The following HS6ST3 variants were observed in gnomAD, a reference collection of about 807,000 sequenced individuals.
The protein encoded by HS6ST3 is heparan-sulfate 6-O-sulfotransferase 3.
A neutral mutation model predicts 36.7 loss-of-function variants in HS6ST3; 12 were observed. The observed-to-expected ratio is 0.33, with a 90% CI of 0.21 to 0.53. The LOEUF is 0.53. HS6ST3 is among the 20% of genes least tolerant of loss of function. HS6ST3 has a pLI of 0.95. For missense variants in HS6ST3, 584 were observed against 640.9 expected (o/e 0.91, Z 0.96); for synonymous variants, 240 against 257.5 (o/e 0.93, Z 0.65).
At chr13:96,524,353 A>G (rs1594799697) in intron 1 of HS6ST3, among the ~76,000 whole-genome samples, 1 of 152,194 alleles carries the variant, frequency 6.6e-6, no homozygotes, top group Admixed American at 6.5e-5. Flanking sequence ...CCGTTGTCAG[A>G]GCTCGAACGC....
chr13:96,462,866 TATAA>T (rs1240503024), intron 1 of HS6ST3, among the ~76,000 whole-genome samples: 1 of 152,222 alleles, frequency 6.6e-6, no homozygotes, highest in Non-Finnish European at 1.5e-5. Context: ...GGTGTAGCAA[TATAA>T]ATAAAGTAAC....
In HS6ST3 at chr13:96,531,127, A is replaced by G. The variant is rs1594800921; in HGVS notation, c.708-301363A>G. 4.0e-5 allele frequency among the ~76,000 whole-genome samples: 6 copies of G among 151,592 alleles called. No homozygotes were observed. The South Asian group carries it at 1.3e-3, about 32-fold the overall frequency. ...CTTTCCACTTTCTCTCTCTCTACAC[A>G]CTCTCCTTTCTGCCCTCATCATTGT... On this transcript the variant is annotated intron_variant, in intron 1 of 1. Transcript: ENST00000376705.
At chr13:96,336,264 T>A (rs1363025258) in intron 1 of HS6ST3, among the ~76,000 whole-genome samples, 2 of 152,222 alleles carry the variant, frequency 1.3e-5, no homozygotes, top group Non-Finnish European at 2.9e-5. Context: ...CAGAGACAAC[T>A]ACTTTGAGCT....
intron 1 of HS6ST3, among the ~76,000 whole-genome samples, chr13:96,709,475 T>A (rs576455496): frequency 3.3e-5 from 5 of 152,288 alleles, no homozygotes; most frequent in Admixed American, 3.3e-4. Context: ...CCCAGAACTC[T>A]TATGTTTAAC....
chr13:96,509,685 T>G (rs2056041052), intron 1 of HS6ST3, among the ~76,000 whole-genome samples: 2 of 152,220 alleles, frequency 1.3e-5, no homozygotes, highest in African/African-American at 2.4e-5. Flanking sequence ...GGTTCTCTAT[T>G]CTGTTTCATT....
intron 1 of HS6ST3, among the ~76,000 whole-genome samples, chr13:96,358,734 T>C (rs78116050): frequency 0.022 from 3,369 of 152,232 alleles, 124 homozygotes; most frequent in African/African-American, 0.078. Context: ...ATATATTGAA[T>C]TTCTTAGTTG....
chr13:96,653,658 G>A (rs2056615077), intron 1 of HS6ST3, among the ~76,000 whole-genome samples: 1 of 152,092 alleles, frequency 6.6e-6, no homozygotes, highest in South Asian at 2.1e-4. Flanking sequence ...AAACAGTGCT[G>A]CAATAAACAT....
chr13:96,493,355 A>T (rs1004001870), intron 1 of HS6ST3, among the ~76,000 whole-genome samples: 3 of 152,284 alleles, frequency 2.0e-5, no homozygotes, highest in African/African-American at 7.2e-5. Context: ...GCATTTTTTT[A>T]AAAAATCACA....
intron 1 of HS6ST3, among the ~76,000 whole-genome samples, chr13:96,194,647 A>G (rs2054303670): frequency 6.6e-6 from 1 of 152,132 alleles, no homozygotes; most frequent in Non-Finnish European, 1.5e-5. Flanking sequence ...AATTTCAAGT[A>G]TACATTACTA....
At chr13:96,261,990 C>T (rs1299987484) in intron 1 of HS6ST3, among the ~76,000 whole-genome samples, 2 of 152,026 alleles carry the variant, frequency 1.3e-5, no homozygotes, top group African/African-American at 4.8e-5. Flanking sequence ...AATAAGAACC[C>T]TAGAATCATC....
intron 1 of HS6ST3, among the ~76,000 whole-genome samples, chr13:96,177,390 G>A (rs1401176508): frequency 1.3e-5 from 2 of 152,146 alleles, no homozygotes; most frequent in Non-Finnish European, 2.9e-5. Context: ...ATCAATGACA[G>A]ATTGGATAAG....
chr13:96,470,782 T>C (rs1438913297), intron 1 of HS6ST3, among the ~76,000 whole-genome samples: 1 of 152,144 alleles, frequency 6.6e-6, no homozygotes. Flanking sequence ...TCTCAGACAT[T>C]TTCCTGCCCA....
At chr13:96,650,268 A>G (rs556525719) in intron 1 of HS6ST3, among the ~76,000 whole-genome samples, 25 of 152,252 alleles carry the variant, frequency 1.6e-4, no homozygotes, top group Admixed American at 1.5e-3. Context: ...GCAGAAGAAC[A>G]GGAATGCCAA....
At chr13:96,634,291 C>T (rs2056541647) in intron 1 of HS6ST3, among the ~76,000 whole-genome samples, 1 of 152,170 alleles carries the variant, frequency 6.6e-6, no homozygotes, top group Non-Finnish European at 1.5e-5. Context: ...CAGTGCTTGC[C>T]CCATCTGTCA....
chr13:96,148,464 A>G (rs2054068539), intron 1 of HS6ST3, among the ~76,000 whole-genome samples: 1 of 152,178 alleles, frequency 6.6e-6, no homozygotes. Flanking sequence ...AAGGGAGGTG[A>G]GATTGTGCTA....
intron 1 of HS6ST3, among the ~76,000 whole-genome samples, chr13:96,544,566 G>A (rs1406050749): frequency 6.6e-6 from 1 of 152,152 alleles, no homozygotes; most frequent in Non-Finnish European, 1.5e-5. Flanking sequence ...GAACAGATCT[G>A]TAAAATGTAA....
chr13:96,152,721 T>C (rs1369334574), intron 1 of HS6ST3, among the ~76,000 whole-genome samples: 1 of 152,126 alleles, frequency 6.6e-6, no homozygotes, highest in Admixed American at 6.5e-5. Context: ...TAAGGTGCAT[T>C]TCTAATCTTA....
intron 1 of HS6ST3, among the ~76,000 whole-genome samples, chr13:96,121,623 G>A (rs1445036811): frequency 6.6e-6 from 1 of 152,184 alleles, no homozygotes. Flanking sequence ...CCAGTCCATG[G>A]TTTCTTCCTG....
chr13:96,419,465 T>C (rs2055551282), intron 1 of HS6ST3, among the ~76,000 whole-genome samples: 1 of 152,234 alleles, frequency 6.6e-6, no homozygotes, highest in Admixed American at 6.5e-5. Context: ...TTTGGCATGA[T>C]GTTTTGATGA....
Sources: allele counts gnomAD v4.1 joint callset (sites outside exome capture counted in the v4.1 genomes callset), GRCh38; gene constraint gnomAD v4.1.1; transcripts MANE v1.5; gene names NCBI Gene and HGNC (gene_info 2026-07-23, HGNC 2026-07-21).